The following SPG11 variants were observed in gnomAD, a reference collection of about 807,000 sequenced individuals.
The protein encoded by SPG11 is SPG11 vesicle trafficking associated, spatacsin, also known as spatacsin.
SPG11 carries 222 observed loss-of-function variants against 274.0 expected under a neutral mutation model. The observed-to-expected ratio is 0.81, with a 90% CI of 0.73 to 0.91. SPG11 has a LOEUF of 0.91. Ranked by LOEUF, SPG11 falls within the 40% of genes least tolerant of loss-of-function variation. SPG11 has a pLI of 0.00. For synonymous variants in SPG11, 1,144 were observed against 1,039.7 expected (o/e 1.10, Z -1.93); for missense variants, 3,114 against 2,872.7 (o/e 1.08, Z -1.92).
At position 44,600,605 on chromosome 15, in the gene SPG11, G is replaced by A. The variant is rs754793352; in HGVS notation, c.3548C>T (p.Ser1183Phe). Residue 1183 changes from serine (S) to phenylalanine (F), a missense_variant, in exon 21 of 40, where the codon TCT becomes TTT. Ser to Phe is a radical substitution (Grantham distance 155, BLOSUM62 -2). Transcript: ENST00000261866. ...GDAWSHLPHF[S>F]SPDLVNKYAI... ...ATATTTATTAACCAGGTCAGGGCTA[G>A]AGAAATGTGGGAGATGACTCCATGC... 31 of 1,614,010 alleles carry A rather than the reference G, an allele frequency of 1.9e-5. 1 individual carries two copies. In the South Asian group the frequency reaches 3.4e-4, roughly 18 times the overall value.
intron 34 of SPG11, among the ~76,000 whole-genome samples, chr15:44,569,835 GC>G (rs1211073635): frequency 6.6e-6 from 1 of 151,776 alleles, no homozygotes; most frequent in Admixed American, 6.6e-5. Context: ...TCCTGCCTCA[GC>G]CTCCCAAGTA....
chr15:44,578,817 G>A (rs913245911), intron 30 of SPG11, among the ~76,000 whole-genome samples: 2 of 152,226 alleles, frequency 1.3e-5, no homozygotes, highest in African/African-American at 4.8e-5. Flanking sequence ...ATTTAAATAA[G>A]ATCCACAGTC....
At chr15:44,583,293 A>C (rs567340307) in intron 30 of SPG11, among the ~76,000 whole-genome samples, 1 of 152,310 alleles carries the variant, frequency 6.6e-6, no homozygotes, top group East Asian at 1.9e-4. Flanking sequence ...CAGCCTGGCC[A>C]ACATGGTGAA....
chr15:44,622,243 A>G lies in SPG11; in HGVS notation c.2421T>C (p.Asn807=), dbSNP rs2083774098. The G allele has an allele frequency of 1.2e-6, 2 of 1,612,542 alleles. No individual in the cohort carries two copies. The highest frequency in any genetic ancestry group is 1.7e-6 in the Non-Finnish European group (2 of 1,178,772). The change falls in exon 13 of 40, where the codon AAT becomes AAC. Residue 807 remains asparagine, a synonymous_variant. Coordinates refer to ENST00000261866, the MANE Select transcript of SPG11 (RefSeq NM_025137.4). Reference sequence around the variant, plus strand: ...ACCTGGGAAATGACTGGATTTGCATATTTTCTTGGAAATGTCCCAAATAAA... The same window carrying G: ...ACCTGGGAAATGACTGGATTTGCATGTTTTCTTGGAAATGTCCCAAATAAA... The part of the protein sequence containing the change: ...EKLYLGHFQE[N]MQIQSFPRYW...
chr15:44,578,480 A>G (rs536904556), intron 30 of SPG11, among the ~76,000 whole-genome samples: 2 of 152,050 alleles, frequency 1.3e-5, no homozygotes, highest in East Asian at 3.9e-4. Flanking sequence ...CTAAACCTTC[A>G]GCTTTTGGCC....
intron 15 of SPG11, among the ~76,000 whole-genome samples, chr15:44,618,577 G>A (rs529375778): frequency 1.3e-5 from 2 of 151,148 alleles, no homozygotes; most frequent in African/African-American, 4.9e-5. Context: ...CAGCACTTTG[G>A]GAGGCCGAGG....
At chr15:44,654,831 C>T (rs2084891099) in intron 4 of SPG11, among the ~76,000 whole-genome samples, 1 of 150,780 alleles carries the variant, frequency 6.6e-6, no homozygotes, top group Admixed American at 6.6e-5. Flanking sequence ...AGCGAAACTC[C>T]ATCTCAAAAA....
At chr15:44,571,816 G>C (rs2082431813) in intron 33 of SPG11, among the ~76,000 whole-genome samples, 1 of 152,122 alleles carries the variant, frequency 6.6e-6, no homozygotes, top group Non-Finnish European at 1.5e-5. Flanking sequence ...TTTTAGAGAT[G>C]GATCTTACTC....
At chr15:44,576,725 C>A (rs962161102) in intron 30 of SPG11, among the ~76,000 whole-genome samples, 23 of 152,002 alleles carry the variant, frequency 1.5e-4, no homozygotes, top group African/African-American at 5.6e-4. Flanking sequence ...GATGTAATCT[C>A]ATTTTTTGTA....
At chr15:44,638,488 A>G (rs905678052) in intron 7 of SPG11, among the ~76,000 whole-genome samples, 1 of 132,006 alleles carries the variant, frequency 7.6e-6, no homozygotes, top group African/African-American at 2.7e-5. Context: ...AAACAACAAA[A>G]AAAACCACAA....
At position 44,585,791 on chromosome 15, in the gene SPG11, T is replaced by C. The variant is rs2082749735; in HGVS notation, c.4966A>G (p.Ile1656Val). The C allele has an allele frequency of 1.2e-6, 2 of 1,613,948 alleles. No individual in the cohort carries two copies. The highest frequency in any genetic ancestry group is 1.3e-5 in the African/African-American group (1 of 74,884). The change falls in exon 29 of 40, where the codon ATT becomes GTT. Residue 1656 changes from isoleucine (I) to valine (V), a missense_variant. Transcript: ENST00000261866. Reference protein sequence around the residue: ...CQILKDTSIAINHTIITSYSI... With the variant: ...CQILKDTSIAVNHTIITSYSI... ...TAGCTGGTAATAATTGTATGATTAA[T>C]GGCTATGGATGTATCCTTCAAAATC...
chr15:44,615,686 A>G (rs1370628083), intron 15 of SPG11, 120 bp from the exon 16 acceptor site: 1 of 882,562 alleles, frequency 1.1e-6, no homozygotes, highest in East Asian at 2.6e-5. Flanking sequence ...TAATGCTGCC[A>G]GTTCTTACTC....
At position 44,584,408 on chromosome 15, in the gene SPG11, C is replaced by T. The variant is rs773125953; in HGVS notation, c.5272G>A (p.Val1758Met). The T allele has an allele frequency of 1.9e-6, 3 of 1,614,058 alleles. No individual in the cohort carries two copies. Among genetic ancestry groups the T allele is most frequent in the Middle Eastern group, 1.6e-4 (1 of 6,084 alleles). Residue 1758 changes from valine (V) to methionine (M), a missense_variant, in exon 30 of 40, where the codon GTG (valine) becomes ATG (methionine). Val to Met is a conservative substitution (Grantham distance 21). Transcript: ENST00000261866. ...ASSFFSTQAH[V>M]ACEHPTGWSS... ...CATCCAGTTGGGTGCTCACATGCCA[C>T]ATGGGCCTGGGTTGAGAAAAAGGAA...
Position 44,584,056 on chromosome 15 carries a change from T to C in SPG11, c.5624A>G (p.Gln1875Arg), listed in dbSNP as rs954331853. 1.9e-6 allele frequency: 3 copies of C among 1,614,242 alleles called. No homozygotes were observed. Among genetic ancestry groups the C allele is most frequent in the Non-Finnish European group, 2.5e-6 (3 of 1,180,034 alleles). Reference protein sequence around the residue: ...TCENRLDWKEQESLNFLIGRL... With the variant: ...TCENRLDWKERESLNFLIGRL... ...CCCAATCAAAAAGTTTAGTGACTCC[T>C]GCTCTTTCCAATCCAATCTATTCTC... Residue 1875 changes from glutamine (Q) to arginine (R), a missense_variant, in exon 30 of 40, where the codon CAG becomes CGG. Gln to Arg is a conservative substitution (Grantham distance 43). Transcript: ENST00000261866.
Position 44,563,074 on chromosome 15 carries a change from G to C in SPG11, c.*47C>G. Reference sequence around the variant, plus strand: ...ATGCATTCTTCTTCTCATCACATCTGTCAGAATCTGCTAACAGTACAAGAA... The same window carrying C: ...ATGCATTCTTCTTCTCATCACATCTCTCAGAATCTGCTAACAGTACAAGAA... On this transcript the variant is annotated 3_prime_UTR_variant, in exon 40 of 40. Coordinates refer to ENST00000261866, the MANE Select transcript of SPG11 (RefSeq NM_025137.4). 6.4e-7 allele frequency: 1 copy of C among 1,574,566 alleles called. No homozygotes were observed. The highest frequency in any genetic ancestry group is 8.7e-7 in the Non-Finnish European group (1 of 1,144,880).
At chr15:44,659,767 T>C (rs539262800) in intron 2 of SPG11, among the ~76,000 whole-genome samples, 1 of 152,196 alleles carries the variant, frequency 6.6e-6, no homozygotes, top group African/African-American at 2.4e-5. Context: ...GCCACATACA[T>C]GACTTAAAAT....
intron 30 of SPG11, among the ~76,000 whole-genome samples, chr15:44,582,277 G>A (rs1000991334): frequency 6.6e-6 from 1 of 152,204 alleles, no homozygotes; most frequent in African/African-American, 2.4e-5. Flanking sequence ...GCCGGGCACG[G>A]TGGCTCAAGC....
chr15:44,612,025 G>T (rs1017483708), intron 17 of SPG11, among the ~76,000 whole-genome samples: 16 of 151,998 alleles, frequency 1.1e-4, no homozygotes, highest in Admixed American at 6.6e-4. Flanking sequence ...TAGCCAGGAT[G>T]GCCTCGATCT....
At chr15:44,636,939 A>AC (rs1567180476) in intron 7 of SPG11, among the ~76,000 whole-genome samples, 91 of 99,274 alleles carry the variant, frequency 9.2e-4, no homozygotes, top group East Asian at 2.4e-3. Flanking sequence ...AAAAAAAAAA[A>AC]AAAAAAAAAA....
Sources: allele counts gnomAD v4.1 joint callset (sites outside exome capture counted in the v4.1 genomes callset), GRCh38; gene constraint gnomAD v4.1.1; transcripts MANE v1.5; gene names NCBI Gene and HGNC (gene_info 2026-07-23, HGNC 2026-07-21).